Variants in WDR7 observed in about 807,000 individuals in gnomAD.
WDR7 encodes the protein WD repeat-containing protein 7.
In WDR7, 46 loss-of-function variants were observed where a neutral mutation model predicts 169.4. The ratio of observed to expected loss-of-function variants is 0.27; its 90% CI spans 0.21 to 0.35. WDR7 has a LOEUF of 0.35. WDR7 is among the 10% of genes least tolerant of loss of function. The pLI is 1.00. For missense variants in WDR7, 1,534 were observed against 1,859.3 expected, an observed-to-expected ratio of 0.83 and a Z score of 3.22; for synonymous variants, 612 against 666.8, an observed-to-expected ratio of 0.92 and a Z score of 1.27.
At chr18:56,918,398 G>C (rs1252884790) in intron 21 of WDR7, among the ~76,000 whole-genome samples, 1 of 151,994 alleles carries the variant, frequency 6.6e-6, no homozygotes, top group Admixed American at 6.5e-5. Context: ...AGTTCCCCCA[G>C]GATAGTAAAT....
rs149409943 is a variant in WDR7, at chr18:56,878,957, G to A, written c.3305-987G>A. ...TACTTAGATTTGTACAAAAGTAATC[G>A]CTATTTTTGCCACTGAAAGTAATGG... is the stretch of plus-strand genomic sequence containing the variant. On this transcript the variant is annotated intron_variant, in intron 20 of 27. Transcript: ENST00000254442. 6.4e-3 allele frequency among the ~76,000 whole-genome samples: 975 copies of A among 152,186 alleles called. 4 individuals are homozygous for A. The highest frequency in any genetic ancestry group is 0.044 in the Middle Eastern group (13 of 294).
chr18:56,877,953 A>G (rs940416205), intron 20 of WDR7, among the ~76,000 whole-genome samples: 4 of 151,996 alleles, frequency 2.6e-5, no homozygotes, highest in African/African-American at 9.7e-5. Flanking sequence ...TTAGTTGTGT[A>G]CATGTTAGTC....
intron 27 of WDR7, among the ~76,000 whole-genome samples, chr18:57,023,265 T>C (rs369501039): frequency 2.0e-5 from 3 of 152,248 alleles, no homozygotes; most frequent in East Asian, 3.8e-4. Flanking sequence ...TAGATACATG[T>C]TGTTTCGTTG....
intron 19 of WDR7, among the ~76,000 whole-genome samples, chr18:56,809,245 T>A (rs2044827774): frequency 6.6e-6 from 1 of 152,204 alleles, no homozygotes; most frequent in South Asian, 2.1e-4. Context: ...TTTTTTATTA[T>A]ATCTCTTTAC....
chr18:56,937,809 T>C (rs1054847524), intron 23 of WDR7, among the ~76,000 whole-genome samples: 1 of 152,152 alleles, frequency 6.6e-6, no homozygotes, highest in Non-Finnish European at 1.5e-5. Context: ...CAAATAATAT[T>C]TGACTGCTCC....
At chr18:57,016,690 T>C (rs2048211908) in intron 26 of WDR7, among the ~76,000 whole-genome samples, 1 of 152,176 alleles carries the variant, frequency 6.6e-6, no homozygotes, top group Admixed American at 6.5e-5. Flanking sequence ...CAGAGCACAT[T>C]GAAAATGTGT....
At chr18:56,964,794 C>A (rs901162647) in intron 26 of WDR7, among the ~76,000 whole-genome samples, 3 of 152,144 alleles carry the variant, frequency 2.0e-5, no homozygotes, top group Middle Eastern at 3.2e-3. Context: ...CCTTCCACTT[C>A]TGTATGAAAG....
chr18:56,662,557 T>C (rs191804048), intron 1 of WDR7, among the ~76,000 whole-genome samples: 1 of 152,346 alleles, frequency 6.6e-6, no homozygotes, highest in East Asian at 1.9e-4. Context: ...CAATGTGATG[T>C]TGTGTGCTTC....
At chr18:56,906,243 G>C (rs755438721) in intron 21 of WDR7, among the ~76,000 whole-genome samples, 2 of 152,182 alleles carry the variant, frequency 1.3e-5, no homozygotes, top group Admixed American at 6.5e-5. Flanking sequence ...TACTCAGCAG[G>C]ATCCAGATTT....
chr18:57,006,853 G>A (rs967235776), intron 26 of WDR7, among the ~76,000 whole-genome samples: 6 of 151,900 alleles, frequency 3.9e-5, no homozygotes, highest in Admixed American at 2.6e-4. Context: ...ATTTTTTTGT[G>A]TGTTCGAGAA....
intron 19 of WDR7, among the ~76,000 whole-genome samples, chr18:56,794,601 GC>G (rs1043103882): frequency 6.6e-6 from 1 of 152,006 alleles, no homozygotes. Flanking sequence ...GAGCCACCGT[GC>G]CCGGCCAGAT....
intron 17 of WDR7, among the ~76,000 whole-genome samples, chr18:56,777,894 C>T (rs1227462043): frequency 3.3e-5 from 5 of 152,042 alleles, no homozygotes; most frequent in Non-Finnish European, 5.9e-5. Context: ...TAGCAAAATT[C>T]GAACTTTACC....
intron 17 of WDR7, among the ~76,000 whole-genome samples, chr18:56,778,866 A>G (rs1039377432): frequency 6.6e-6 from 1 of 152,172 alleles, no homozygotes. Flanking sequence ...GGGTTATGTT[A>G]CTTTAAATAT....
At chr18:56,856,251 TG>T (rs1245554116) in intron 20 of WDR7, among the ~76,000 whole-genome samples, 3 of 152,170 alleles carry the variant, frequency 2.0e-5, no homozygotes, top group African/African-American at 7.2e-5. Context: ...CCTATAACTA[TG>T]GCTAGGCACA....
intron 20 of WDR7, among the ~76,000 whole-genome samples, chr18:56,867,335 C>T (rs1310250775): frequency 6.6e-6 from 1 of 152,156 alleles, no homozygotes; most frequent in Non-Finnish European, 1.5e-5. Context: ...GCACGCCCAG[C>T]ATAAAATTTT....
rs1437163926 is a variant in WDR7 at position 56,972,575 on chromosome 18, G to A, written c.4164+10046G>A. ...AGCAACAACCAGAAATATGGCATCAGGGGTGATCATAAGATGAATGGTTGG... is the reference window on the plus strand; with the variant it reads ...AGCAACAACCAGAAATATGGCATCAAGGGTGATCATAAGATGAATGGTTGG... On this transcript the variant is annotated intron_variant, in intron 26 of 27. Coordinates refer to ENST00000254442, the MANE Select transcript of WDR7 (RefSeq NM_015285.3). Among the ~76,000 whole-genome samples, 5 of 152,130 alleles carry A rather than the reference G, an allele frequency of 3.3e-5. No homozygotes were observed. In the East Asian group the frequency reaches 7.7e-4, roughly 23 times the overall value.
intron 14 of WDR7, among the ~76,000 whole-genome samples, chr18:56,736,852 A>G (rs1318272613): frequency 6.6e-6 from 1 of 152,170 alleles, no homozygotes; most frequent in Non-Finnish European, 1.5e-5. Context: ...TGCTCTGTTT[A>G]GGAGATCACT....
intron 14 of WDR7, among the ~76,000 whole-genome samples, chr18:56,746,564 G>A (rs769376215): frequency 1.9e-4 from 29 of 152,138 alleles, no homozygotes; most frequent in Admixed American, 5.2e-4. Context: ...CATCTCATGA[G>A]CATGAGTTCT....
intron 20 of WDR7, among the ~76,000 whole-genome samples, chr18:56,871,064 T>C (rs2045945753): frequency 6.6e-6 from 1 of 152,138 alleles, no homozygotes; most frequent in Non-Finnish European, 1.5e-5. Flanking sequence ...ATTTTACTGG[T>C]CTGAAAATAG....
Sources: allele counts gnomAD v4.1 joint callset (sites outside exome capture counted in the v4.1 genomes callset), GRCh38; gene constraint gnomAD v4.1.1; transcripts MANE v1.5; gene names NCBI Gene and HGNC (gene_info 2026-07-23, HGNC 2026-07-21).